CRTC2: variants seen among roughly 807,000 people sequenced by gnomAD.
CRTC2 encodes the protein CREB-regulated transcription coactivator 2.
A neutral mutation model predicts 70.9 loss-of-function variants in CRTC2; 25 were observed. The ratio of observed to expected loss-of-function variants is 0.35; its 90% CI spans 0.26 to 0.49. The LOEUF is 0.49. CRTC2 is among the 20% of genes least tolerant of loss of function. CRTC2 has a pLI of 0.98. For missense variants in CRTC2, 737 were observed against 882.6 expected, an observed-to-expected ratio of 0.83 and a Z score of 2.09; for synonymous variants, 330 against 364.1, an observed-to-expected ratio of 0.91 and a Z score of 1.07.
At chr1:153,953,486 C>T in intron 5 of CRTC2, 52 bp downstream of exon 5, 2 of 1,560,822 alleles carry the variant, frequency 1.3e-6, no homozygotes, top group South Asian at 2.3e-5. Context: ...GGGAGCAGGG[C>T]CCCAGAAACT....
chr1:153,953,350 G>A lies in CRTC2; in HGVS notation c.523C>T (p.Leu175Phe), dbSNP rs761189974. The A allele has an allele frequency of 1.2e-6, 2 of 1,605,486 alleles. No homozygotes were observed. The highest frequency in any genetic ancestry group is 2.2e-5 in the East Asian group (1 of 44,616). ...CTGGGGTTCATCACACTTGTATGAAGGGCAGAGTCAGAGCTTGTCCTATGG... is the reference window on the plus strand; with the variant it reads ...CTGGGGTTCATCACACTTGTATGAAAGGCAGAGTCAGAGCTTGTCCTATGG... ...ALNRTSSDSALHTSVMNPSPQ... is the reference protein window; with the variant it reads ...ALNRTSSDSAFHTSVMNPSPQ... The change falls in exon 6 of 14, where the codon CTT (leucine) becomes TTT (phenylalanine). Residue 175 changes from leucine (L) to phenylalanine (F), a missense_variant. Physicochemically the swap from Leu to Phe is conservative, Grantham distance 22 (BLOSUM62 0). Around this residue, in one of 3 missense-constraint regions of CRTC2, gnomAD observed 699 missense variants for 823.7 expected, o/e 0.85. Transcript: ENST00000368633.
At chr1:153,952,471 A>C (rs1287563397) in intron 8 of CRTC2, 25 bp from the exon 9 acceptor site, 3 of 1,613,954 alleles carry the variant, frequency 1.9e-6, no homozygotes, top group Non-Finnish European at 2.5e-6. Context: ...GAGAATATGG[A>C]AAATGAGGAC....
chr1:153,952,220 G>A lies in CRTC2; in HGVS notation c.795C>T (p.Leu265=). ...AGCCCCCCGTGTTCATGGCAGGTGGGAGGACAGGCACATTGGCAGGCTGGT... is the reference window on the plus strand; with the variant it reads ...AGCCCCCCGTGTTCATGGCAGGTGGAAGGACAGGCACATTGGCAGGCTGGT... ...SPDQPANVPV[L]PPAMNTGGSL... The change falls in exon 10 of 14, where the codon CTC becomes CTT. Residue 265 remains leucine, a synonymous_variant. Transcript: ENST00000368633. 2 of 1,612,304 alleles carry A rather than the reference G, an allele frequency of 1.2e-6. No homozygotes were observed. The highest frequency in any genetic ancestry group is 1.7e-6 in the Non-Finnish European group (2 of 1,178,786).
intron 3 of CRTC2, 142 bp downstream of exon 3, chr1:153,954,731 T>C (rs1680535148): frequency 1.4e-6 from 1 of 719,664 alleles, no homozygotes; most frequent in South Asian, 1.8e-5. Flanking sequence ...GCAGGGGCTA[T>C]GGTCGCTTTT....
intron 1 of CRTC2, chr1:153,958,003 G>A: frequency 2.6e-6 from 3 of 1,155,480 alleles, no homozygotes; most frequent in Non-Finnish European, 3.2e-6. Flanking sequence ...CCAATACCAG[G>A]CATGCTTCAG....
In CRTC2 at chr1:153,958,314, T is replaced by G. The variant is rs528031958; in HGVS notation, c.153+31A>C. The G allele has an allele frequency of 9.3e-6, 15 of 1,605,026 alleles. No individual in the cohort carries two copies. The African/African-American group carries it at 2.0e-4, about 21-fold the overall frequency. ...GGTCTCCGCTCCGTAACTGCTCAGC[T>G]CTGCTCCGGCTCCCCGGCGCGGCCC... On this transcript the variant is annotated intron_variant, in intron 1 of 13. Transcript: ENST00000368633.
chr1:153,956,859 C>T (rs769496505), intron 1 of CRTC2, among the ~76,000 whole-genome samples: 5 of 152,078 alleles, frequency 3.3e-5, no homozygotes, highest in Non-Finnish European at 7.4e-5. Context: ...ATCGAGGCAC[C>T]GTAAAGAGAA....
chr1:153,955,266 C>T, intron 1 of CRTC2, 100 bp from the exon 2 acceptor site: 1 of 891,432 alleles, frequency 1.1e-6, no homozygotes, highest in East Asian at 2.7e-5. Flanking sequence ...CTGCTGCCGC[C>T]ACTGCTTTTA....
At chr1:153,956,577 C>T (rs563198968) in intron 1 of CRTC2, among the ~76,000 whole-genome samples, 2 of 152,264 alleles carry the variant, frequency 1.3e-5, no homozygotes, top group Admixed American at 1.3e-4. Context: ...AGGAGGTCAG[C>T]CTAGTGAGCA....
At chr1:153,950,471 G>C (rs1680262896) in intron 11 of CRTC2, among the ~76,000 whole-genome samples, 1 of 152,216 alleles carries the variant, frequency 6.6e-6, no homozygotes. Context: ...ACACATTCCA[G>C]GGATAGCAAT....
In CRTC2 at chr1:153,952,235, G is replaced by A. The variant is rs1680367724; in HGVS notation, c.780C>T (p.Ala260=). 1 of 1,610,350 alleles carries A rather than the reference G, an allele frequency of 6.2e-7. No individual in the cohort carries two copies. Among genetic ancestry groups the A allele is most frequent in the African/African-American group, 1.3e-5 (1 of 74,820 alleles). ...INIFPSPDQP[A]NVPVLPPAMN... Reference sequence around the variant, plus strand: ...TGGCAGGTGGGAGGACAGGCACATTGGCAGGCTGGTCAGGAGATGGAAAGA... The same window carrying A: ...TGGCAGGTGGGAGGACAGGCACATTAGCAGGCTGGTCAGGAGATGGAAAGA... The change falls in exon 10 of 14, where the codon GCC becomes GCT. Residue 260 remains alanine, a synonymous_variant. Transcript: ENST00000368633.
rs148955330 is a variant in CRTC2 at position 153,955,137 on chromosome 1, G to A, written c.183C>T (p.Tyr61=). The change falls in exon 2 of 14, where the codon TAC becomes TAT. Residue 61 remains tyrosine (Y), a synonymous_variant. Transcript: ENST00000368633. The part of the protein sequence containing the change: ...RLQAQKLRLA[Y]TRSSHYGGSL... ...ACCCACCATAATGAGAGCTCCTTGTGTATGCCAGTCGCAGTTTTTGGGCCT... is the reference window on the plus strand; with the variant it reads ...ACCCACCATAATGAGAGCTCCTTGTATATGCCAGTCGCAGTTTTTGGGCCT... The A allele has an allele frequency of 5.4e-5, 87 of 1,613,950 alleles. No homozygotes were observed. The Middle Eastern group carries it at 1.2e-3, about 21-fold the overall frequency.
chr1:153,952,479 G>A, intron 8 of CRTC2, 33 bp from the exon 9 acceptor site: 1 of 1,613,634 alleles, frequency 6.2e-7, no homozygotes, highest in Non-Finnish European at 8.5e-7. Flanking sequence ...GGAAAATGAG[G>A]ACAGTGCTCA....
intron 4 of CRTC2, 96 bp downstream of exon 4, chr1:153,954,159 T>C (rs1159253113): frequency 1.5e-5 from 13 of 894,218 alleles, no homozygotes; most frequent in East Asian, 2.6e-5. Flanking sequence ...GTTGAAACCT[T>C]AGCCCAGTAA....
At chr1:153,948,936 C>T (rs1237846420) in intron 12 of CRTC2, 179 bp downstream of exon 12, 5 of 774,290 alleles carry the variant, frequency 6.5e-6, no homozygotes, top group African/African-American at 3.4e-5. Context: ...TAGGGTCAAA[C>T]GCAGGAAGAG....
At position 153,949,256 on chromosome 1, in the gene CRTC2, G is replaced by C. The variant is rs745339619; in HGVS notation, c.1533C>G (p.Pro511=). 1.9e-5 allele frequency: 30 copies of C among 1,614,010 alleles called. No homozygotes were observed. Among genetic ancestry groups the C allele is most frequent in the Non-Finnish European group, 2.4e-5 (28 of 1,180,038 alleles). ...AGGACTGCACTGAACAAGACTGAGA[G>C]GGCAGCCCTGGCTGCTGTAGAGACT... ...TPKSLQQPGL[P]SQSCSVQSSG... is the part of the protein sequence containing the mutation. The change falls in exon 12 of 14, where the codon CCC becomes CCG. Residue 511 remains proline (P), a synonymous_variant. Coordinates refer to ENST00000368633, the MANE Select transcript of CRTC2 (RefSeq NM_181715.3).
intron 7 of CRTC2, 58 bp from the exon 8 acceptor site, chr1:153,952,693 A>G: frequency 1.2e-6 from 2 of 1,608,462 alleles, no homozygotes; most frequent in South Asian, 1.1e-5. Flanking sequence ...AAGGCAGGAC[A>G]GGAAGCAGAA....
chr1:153,952,892 G>A (rs1680432219), intron 6 of CRTC2, 58 bp from the exon 7 acceptor site: 1 of 1,598,222 alleles, frequency 6.3e-7, no homozygotes, highest in East Asian at 2.2e-5. Context: ...GCTTTAAATA[G>A]CTCCATGGAG....
intron 8 of CRTC2, 54 bp from the exon 9 acceptor site, chr1:153,952,500 C>A (rs1278858727): frequency 6.2e-7 from 1 of 1,612,918 alleles, no homozygotes; most frequent in Non-Finnish European, 8.5e-7. Context: ...GCAGAGAACC[C>A]TGGAAGGCCT....
Sources: allele counts gnomAD v4.1 joint callset (sites outside exome capture counted in the v4.1 genomes callset), GRCh38; gene constraint gnomAD v4.1.1; regional missense constraint gnomAD v4.1.1; transcripts MANE v1.5; gene names NCBI Gene and HGNC (gene_info 2026-07-23, HGNC 2026-07-21).